DNM3: variants seen among roughly 807,000 people sequenced by gnomAD.
DNM3 encodes dynamin-3.
A neutral mutation model predicts 101.6 loss-of-function variants in DNM3; 47 were observed. That is an observed-to-expected ratio of 0.46 (90% CI 0.37 to 0.59). DNM3 has a LOEUF of 0.59. DNM3 is among the 20% of genes least tolerant of loss of function. DNM3 has a pLI of 0.00. For missense variants in DNM3, 849 were observed against 1,085.7 expected, an observed-to-expected ratio of 0.78 and a Z score of 3.06; for synonymous variants, 385 against 387.9, an observed-to-expected ratio of 0.99 and a Z score of 0.09.
intron 2 of DNM3, among the ~76,000 whole-genome samples, chr1:171,972,878 C>A (rs565069691): frequency 0.017 from 2,631 of 151,654 alleles, 103 homozygotes; most frequent in African/African-American, 0.06. Context: ...AAAACAACAA[C>A]AACAACAACA....
chr1:172,241,235 A>G (rs2061736859), intron 14 of DNM3, among the ~76,000 whole-genome samples: 1 of 80,040 alleles, frequency 1.2e-5, no homozygotes, highest in Non-Finnish European at 2.5e-5. Flanking sequence ...GTATATATAC[A>G]TAGATGTGTG....
intron 1 of DNM3, among the ~76,000 whole-genome samples, chr1:171,888,706 T>C (rs2036994898): frequency 6.6e-6 from 1 of 152,168 alleles, no homozygotes; most frequent in African/African-American, 2.4e-5. Context: ...TGTCATCTCT[T>C]TGAAGGTGGA....
intron 14 of DNM3, among the ~76,000 whole-genome samples, chr1:172,145,345 T>C (rs569872251): frequency 1.5e-4 from 22 of 150,452 alleles, no homozygotes; most frequent in African/African-American, 4.4e-4. Flanking sequence ...TCTCTCTCTC[T>C]CCCCCTCTTC....
intron 10 of DNM3, among the ~76,000 whole-genome samples, chr1:172,063,804 A>G (rs574235752): frequency 6.6e-5 from 10 of 151,920 alleles, no homozygotes; most frequent in Non-Finnish European, 1.3e-4. Context: ...AAGAATATTC[A>G]ATGCAATTTG....
intron 1 of DNM3, among the ~76,000 whole-genome samples, chr1:171,861,272 A>G (rs915560401): frequency 2.0e-5 from 3 of 152,138 alleles, no homozygotes; most frequent in Admixed American, 6.6e-5. Flanking sequence ...ATGGAGTTGC[A>G]TAGGATTCAG....
At chr1:172,171,628 C>T (rs1309732631) in intron 14 of DNM3, among the ~76,000 whole-genome samples, 2 of 151,708 alleles carry the variant, frequency 1.3e-5, no homozygotes, top group African/African-American at 4.8e-5. Flanking sequence ...AGAAAGACCT[C>T]AGTGCCAGCT....
At chr1:172,106,682 TTGAAG>T (rs2055042066) in intron 13 of DNM3, among the ~76,000 whole-genome samples, 1 of 152,090 alleles carries the variant, frequency 6.6e-6, no homozygotes, top group Admixed American at 6.5e-5. Context: ...TTGAATTTCA[TTGAAG>T]TGATTATGGT....
chr1:171,959,178 A>C (rs947038017), intron 2 of DNM3, among the ~76,000 whole-genome samples: 25 of 152,178 alleles, frequency 1.6e-4, no homozygotes, highest in Non-Finnish European at 4.4e-5. Context: ...AGAAGGGGGA[A>C]GTATATGGGT....
chr1:172,092,694 T>A, intron 12 of DNM3, 130 bp from the exon 13 acceptor site: 1 of 951,084 alleles, frequency 1.1e-6, no homozygotes, highest in Admixed American at 3.3e-5. Flanking sequence ...TAAACTGACC[T>A]GGAATTTTGG....
intron 4 of DNM3, among the ~76,000 whole-genome samples, chr1:171,995,735 C>T (rs1454371684): frequency 2.0e-5 from 3 of 152,158 alleles, no homozygotes; most frequent in Non-Finnish European, 4.4e-5. Flanking sequence ...CCTGTTCTCA[C>T]CACTTAATGT....
Position 172,128,194 on chromosome 1 carries a change from C to T in DNM3, c.1546-2981C>T, listed in dbSNP as rs115057733. 8.7e-3 allele frequency among the ~76,000 whole-genome samples: 1,323 copies of T among 152,194 alleles called. 25 individuals are homozygous for T. Among genetic ancestry groups the T allele is most frequent in the African/African-American group, 0.03 (1,232 of 41,542 alleles). On this transcript the variant is annotated intron_variant, in intron 13 of 20. Coordinates refer to ENST00000627582, the MANE Select transcript of DNM3 (RefSeq NM_015569.5). Reference sequence around the variant, plus strand: ...ACTGCTATTTTGCTTGGAGTTTTACCGCTACCAGTGTTTGTGCTGAGGACT... The same window carrying T: ...ACTGCTATTTTGCTTGGAGTTTTACTGCTACCAGTGTTTGTGCTGAGGACT...
intron 17 of DNM3, among the ~76,000 whole-genome samples, chr1:172,332,521 G>A (rs897349159): frequency 6.6e-6 from 1 of 152,114 alleles, no homozygotes; most frequent in African/African-American, 2.4e-5. Context: ...TGTTCTCCAG[G>A]CTGGTCTCGA....
At chr1:172,354,104 T>A (rs1199817381) in intron 17 of DNM3, among the ~76,000 whole-genome samples, 26 of 33,284 alleles carry the variant, frequency 7.8e-4, no homozygotes, top group African/African-American at 2.4e-3. Context: ...TGTGTGTGTG[T>A]GTGTGTGTGA....
At chr1:172,227,965 C>T (rs759456895) in intron 14 of DNM3, among the ~76,000 whole-genome samples, 2 of 151,996 alleles carry the variant, frequency 1.3e-5, no homozygotes, top group Middle Eastern at 3.2e-3. Context: ...TAGCATTTGT[C>T]TTTCATTATC....
Position 171,988,984 on chromosome 1 carries a change from A to G in DNM3, c.425A>G (p.Lys142Arg). ...LTLIDLPGIT[K>R]VPVGDQPPDI... ...CTTATTGATCTACCTGGAATAACTA[A>G]AGTGCCTGTGGGAGATCAGCCACCA... is the stretch of plus-strand genomic sequence containing the variant. Residue 142 changes from lysine (K) to arginine (R), a missense_variant, in exon 4 of 21, where the codon AAA becomes AGA. Around this residue, in one of 5 missense-constraint regions of DNM3, gnomAD observed 388 missense variants for 483.0 expected, o/e 0.80. Coordinates refer to ENST00000627582, the MANE Select transcript of DNM3 (RefSeq NM_015569.5). 6.2e-7 allele frequency: 1 copy of G among 1,604,108 alleles called. No individual in the cohort carries two copies. The highest frequency in any genetic ancestry group is 8.5e-7 in the Non-Finnish European group (1 of 1,174,794).
intron 10 of DNM3, among the ~76,000 whole-genome samples, chr1:172,062,468 C>T (rs2051317274): frequency 6.6e-6 from 1 of 152,126 alleles, no homozygotes; most frequent in Non-Finnish European, 1.5e-5. Context: ...TCATAAATAA[C>T]ACTAGAGTTC....
chr1:171,857,590 C>T (rs2033742376), intron 1 of DNM3, among the ~76,000 whole-genome samples: 1 of 152,130 alleles, frequency 6.6e-6, no homozygotes, highest in South Asian at 2.1e-4. Flanking sequence ...TTGACCTTCT[C>T]AGATGTCCTG....
Position 172,409,667 on chromosome 1 carries a change from G to A in DNM3, c.*1826G>A. ...ACTGCATTTTTAAAATAGTGTCTCA[G>A]CTAAATGGAAAACTGTTAAGCAAAC... On this transcript the variant is annotated 3_prime_UTR_variant, in exon 21 of 21. Coordinates refer to ENST00000627582, the MANE Select transcript of DNM3 (RefSeq NM_015569.5). 1 of 985,614 alleles carries A rather than the reference G, an allele frequency of 1.0e-6. No homozygotes were observed. The highest frequency in any genetic ancestry group is 1.2e-6 in the Non-Finnish European group (1 of 829,734). The allele number at this position is 985,614 out of a possible 1,614,324, so 61.1% of individuals were successfully genotyped here. A position where few individuals can be genotyped will look rare whatever the true frequency, so the allele number is the denominator to read the frequency against.
At chr1:172,266,254 T>G (rs75222977) in intron 15 of DNM3, among the ~76,000 whole-genome samples, 1,816 of 152,294 alleles carry the variant, frequency 0.012, 20 homozygotes, top group Non-Finnish European at 0.019. Context: ...AGTTTAAATT[T>G]GTTTGAAAAA....
Sources: allele counts gnomAD v4.1 joint callset (sites outside exome capture counted in the v4.1 genomes callset), GRCh38; gene constraint gnomAD v4.1.1; regional missense constraint gnomAD v4.1.1; transcripts MANE v1.5; gene names NCBI Gene and HGNC (gene_info 2026-07-23, HGNC 2026-07-21).